Variants in KIR2DL4 observed in about 807,000 individuals in gnomAD.
KIR2DL4 encodes killer cell immunoglobulin like receptor, two Ig domains and long cytoplasmic tail 4.
In KIR2DL4, 41 loss-of-function variants were observed where a neutral mutation model predicts 31.0. That is an observed-to-expected ratio of 1.32 (90% CI 1.03 to 1.72). KIR2DL4 has a LOEUF of 1.72. Among genes scored for constraint, KIR2DL4 ranks in the 40% most tolerant of loss-of-function variants. KIR2DL4 has a pLI of 0.00. For missense variants in KIR2DL4, 438 were observed against 353.7 expected, an observed-to-expected ratio of 1.24 and a Z score of -1.91; for synonymous variants, 164 against 133.6, an observed-to-expected ratio of 1.23 and a Z score of -1.57.
At position 54,805,988 on chromosome 19, in the gene KIR2DL4, C is replaced by A. The variant is rs2060495082; in HGVS notation, c.399C>A (p.Gly133=). 29 of 1,609,876 alleles carry A rather than the reference C, an allele frequency of 1.8e-5. 2 individuals are homozygous for A. The highest frequency in any genetic ancestry group is 2.5e-6 in the Non-Finnish European group (3 of 1,179,088). Reference sequence around the variant, plus strand: ...AACCTTCGCTTACAGCCCGGCCGGGCCCCACGGTTCGCGCAGGAGAGAACG... The same window carrying A: ...AACCTTCGCTTACAGCCCGGCCGGGACCCACGGTTCGCGCAGGAGAGAACG... The change falls in exon 4 of 8, where the codon GGC becomes GGA. Residue 133 remains glycine (G), a synonymous_variant. Coordinates refer to ENST00000359085, the Ensembl canonical transcript of KIR2DL4.
At chr19:54,806,782 T>A (rs2060557031) in intron 4 of KIR2DL4, among the ~76,000 whole-genome samples, 1 of 150,228 alleles carries the variant, frequency 6.7e-6, no homozygotes, top group South Asian at 2.1e-4. Context: ...CCAAGGCAGG[T>A]GGATCATTTA....
At chr19:54,812,271 G>A (rs1319888633) in intron 5 of KIR2DL4, among the ~76,000 whole-genome samples, 5 of 151,302 alleles carry the variant, frequency 3.3e-5, no homozygotes, top group African/African-American at 9.8e-5. Flanking sequence ...CTTTCAGGGT[G>A]AGCCAGTCCC....
intron 5 of KIR2DL4, among the ~76,000 whole-genome samples, chr19:54,812,320 C>T (rs2060910600): frequency 6.6e-6 from 1 of 151,264 alleles, no homozygotes; most frequent in Non-Finnish European, 1.5e-5. Context: ...CATGGAGTCA[C>T]TTCATGTGCA....
intron 5 of KIR2DL4, chr19:54,813,072 A>C (rs1601226376): frequency 7.6e-7 from 1 of 1,314,938 alleles, no homozygotes; most frequent in Non-Finnish European, 1.1e-6. Context: ...GAGACAATCC[A>C]CAAAGAGGAA....
chr19:54,813,772 A>G, intron 7 of KIR2DL4, 30 bp downstream of exon 6: 5 of 1,610,868 alleles, frequency 3.1e-6, no homozygotes, highest in South Asian at 1.1e-5. Flanking sequence ...CCTCATGGAT[A>G]CAGTCTTATT....
intron 5 of KIR2DL4, among the ~76,000 whole-genome samples, chr19:54,810,583 G>T (rs1569386901): frequency 6.6e-6 from 1 of 151,544 alleles, no homozygotes; most frequent in Admixed American, 6.6e-5. Context: ...CAGCCGTGAA[G>T]GCACAAAGGT....
intron 5 of KIR2DL4, among the ~76,000 whole-genome samples, chr19:54,809,688 C>A (rs1390448529): frequency 6.6e-6 from 1 of 151,294 alleles, no homozygotes. Context: ...GCCTCTCACA[C>A]GGCATCACTC....
intron 3 of KIR2DL4, among the ~76,000 whole-genome samples, chr19:54,805,560 C>G (rs943946581): frequency 6.6e-6 from 1 of 151,440 alleles, no homozygotes. Context: ...GAATGCAGCC[C>G]TGCAGATGCC....
chr19:54,805,995 G>A, exon 4 of KIR2DL4: 2 of 1,610,240 alleles, frequency 1.2e-6, no homozygotes, highest in Non-Finnish European at 1.7e-6. Context: ...GGGCCCCACG[G>A]TTCGCGCAGG....
exon 8 of KIR2DL4, chr19:54,814,347 A>G (rs1325597036): frequency 1.1e-5 from 6 of 548,850 alleles, no homozygotes; most frequent in Non-Finnish European, 1.6e-5. Context: ...TTCCAAACAT[A>G]CAAGAGGCTC....
chr19:54,811,586 T>A (rs1206473600), intron 5 of KIR2DL4, among the ~76,000 whole-genome samples: 1 of 150,994 alleles, frequency 6.6e-6, no homozygotes, highest in South Asian at 2.1e-4. Context: ...ATATGGAAAA[T>A]GTGAAACCCA....
At chr19:54,806,574 G>A (rs2060544528) in intron 4 of KIR2DL4, among the ~76,000 whole-genome samples, 1 of 151,192 alleles carries the variant, frequency 6.6e-6, no homozygotes, top group African/African-American at 2.4e-5. Context: ...GCCCACCCTG[G>A]CCTCTCACCT....
Position 54,805,087 on chromosome 19 carries a change from C to A in KIR2DL4, c.361+10C>A, listed in dbSNP as rs772175598. The A allele has an allele frequency of 2.1e-3, 3,386 of 1,588,824 alleles. 50 individuals carry two copies. The highest frequency in any genetic ancestry group is 2.5e-3 in the Non-Finnish European group (2,975 of 1,170,718). ...GTGATCATGGTCACAGGTCAGAGGG[C>A]TCCTGTCTGGGCTTCTCCTTGTCCC... is the stretch of plus-strand genomic sequence containing the variant. On this transcript the variant is annotated intron_variant, in intron 3 of 7. Transcript: ENST00000359085.
At chr19:54,811,217 G>A (rs557601074) in intron 5 of KIR2DL4, among the ~76,000 whole-genome samples, 2 of 151,016 alleles carry the variant, frequency 1.3e-5, no homozygotes, top group African/African-American at 4.9e-5. Flanking sequence ...GGACAACATG[G>A]TGAAACCCCA....
intron 5 of KIR2DL4, among the ~76,000 whole-genome samples, chr19:54,812,685 A>T (rs1462272704): frequency 2.0e-5 from 3 of 149,948 alleles, no homozygotes; most frequent in African/African-American, 7.5e-5. Flanking sequence ...GACCACAGAG[A>T]TCACATGGCA....
chr19:54,805,831 GGT>G, intron 3 of KIR2DL4, 118 bp from the exon 4 acceptor site: 1 of 686,226 alleles, frequency 1.5e-6, no homozygotes, highest in Non-Finnish European at 2.2e-6. Flanking sequence ...GGGGGTGGAG[GGT>G]GAGAGAGAGA....
chr19:54,805,521 T>C (rs1351924038), intron 3 of KIR2DL4, among the ~76,000 whole-genome samples: 1 of 151,328 alleles, frequency 6.6e-6, no homozygotes, highest in East Asian at 1.9e-4. Context: ...GAGAAATCAA[T>C]GGAACTGATT....
chr19:54,811,888 A>G (rs2147966081), intron 5 of KIR2DL4, among the ~76,000 whole-genome samples: 1 of 151,444 alleles, frequency 6.6e-6, no homozygotes, highest in Middle Eastern at 3.4e-3. Context: ...CAGCAGCCTA[A>G]TATCTGACTC....
chr19:54,805,137 G>A lies in KIR2DL4; in HGVS notation c.361+60G>A, dbSNP rs886751453. 35 of 1,498,706 alleles carry A rather than the reference G, an allele frequency of 2.3e-5. 2 individuals carry two copies. In the Middle Eastern group the frequency reaches 1.2e-3, roughly 52 times the overall value. 92.8% of individuals were successfully genotyped at this position (1,498,706 alleles called of 1,614,324 possible). Reference sequence around the variant, plus strand: ...CACCTCCTGAGTCCCAGAGCTTCTGGTGGGGGTGTCCACCAGAGTCCGATC... The same window carrying A: ...CACCTCCTGAGTCCCAGAGCTTCTGATGGGGGTGTCCACCAGAGTCCGATC... On this transcript the variant is annotated intron_variant, in intron 3 of 7. Transcript: ENST00000359085.
Sources: gnomAD v4.1 joint callset for allele counts (sites outside exome capture counted in the v4.1 genomes callset) on GRCh38, gnomAD v4.1.1 for gene constraint, MANE v1.5 for transcripts, NCBI Gene and HGNC (gene_info 2026-07-23, HGNC 2026-07-21) for gene names.